The following ATG10 variants were observed in gnomAD, a reference collection of about 807,000 sequenced individuals.
The protein encoded by ATG10 is autophagy related 10.
ATG10 carries 30 observed loss-of-function variants against 32.1 expected under a neutral mutation model. The ratio of observed to expected loss-of-function variants is 0.94; its 90% CI spans 0.70 to 1.27. The LOEUF is 1.27. Among genes scored for constraint, ATG10 ranks in the 50% most tolerant of loss-of-function variants. The probability of loss-of-function intolerance (pLI) is 0.00; values close to 1 mark genes in which losing one functional copy is unlikely to be tolerated. For missense variants in ATG10, 233 were observed against 262.3 expected (o/e 0.89, Z 0.77); for synonymous variants, 87 against 91.5 (o/e 0.95, Z 0.28).
At chr5:82,060,222 T>C (rs905869254) in intron 3 of ATG10, among the ~76,000 whole-genome samples, 1 of 152,210 alleles carries the variant, frequency 6.6e-6, no homozygotes, top group African/African-American at 2.4e-5. Context: ...TTGAAACATA[T>C]GGAAAAATTG....
chr5:82,003,372 GACTCCAGGTCTGAGGGAAGAAGTGTACAA>G (rs1761902881), intron 2 of ATG10, among the ~76,000 whole-genome samples: 4 of 152,160 alleles, frequency 2.6e-5, no homozygotes, highest in African/African-American at 7.2e-5. Context: ...AGGAATGGCT[GACTCCAGGTCTGAGGGAAGAAGTGTACAA>G]ACTCCAGGTC....
intron 3 of ATG10, among the ~76,000 whole-genome samples, chr5:82,081,676 G>T (rs1764486736): frequency 1.3e-5 from 2 of 152,208 alleles, no homozygotes; most frequent in Non-Finnish European, 2.9e-5. Flanking sequence ...ATTTGCGTAT[G>T]TTGAACCAGC....
At chr5:82,158,360 C>T (rs1441835526) in intron 3 of ATG10, among the ~76,000 whole-genome samples, 1 of 151,224 alleles carries the variant, frequency 6.6e-6, no homozygotes, top group Non-Finnish European at 1.5e-5. Context: ...CCCCCCGCCC[C>T]CCATCTCTGT....
chr5:82,179,417 G>C (rs1480831603), intron 5 of ATG10, among the ~76,000 whole-genome samples: 1 of 152,116 alleles, frequency 6.6e-6, no homozygotes, highest in African/African-American at 2.4e-5. Context: ...TTTGGCTTAT[G>C]TAATCTATAC....
intron 2 of ATG10, among the ~76,000 whole-genome samples, chr5:82,030,902 A>G (rs912912940): frequency 2.8e-4 from 42 of 152,034 alleles, no homozygotes; most frequent in African/African-American, 1.0e-3. Flanking sequence ...TTAGGTTTTT[A>G]TTTTTATTCA....
At chr5:82,201,474 A>G (rs1425115637) in intron 5 of ATG10, among the ~76,000 whole-genome samples, 2 of 152,086 alleles carry the variant, frequency 1.3e-5, no homozygotes, top group South Asian at 2.1e-4. Context: ...GAGTGGGTCT[A>G]TTTCTGGACT....
At chr5:82,057,151 C>T (rs560506688) in intron 2 of ATG10, among the ~76,000 whole-genome samples, 5 of 152,154 alleles carry the variant, frequency 3.3e-5, no homozygotes, top group African/African-American at 1.2e-4. Flanking sequence ...TCTAACCAAT[C>T]AACAACTAAC....
chr5:82,041,789 A>G (rs955314896), intron 2 of ATG10, among the ~76,000 whole-genome samples: 1 of 151,548 alleles, frequency 6.6e-6, no homozygotes, highest in Non-Finnish European at 1.5e-5. Context: ...ACTATGCTCT[A>G]TTGATTTTTT....
intron 1 of ATG10, among the ~76,000 whole-genome samples, chr5:81,986,648 G>A (rs552798244): frequency 6.6e-6 from 1 of 151,910 alleles, no homozygotes; most frequent in East Asian, 1.9e-4. Flanking sequence ...AGCCAAACAG[G>A]GGTTTAAAAT....
intron 2 of ATG10, among the ~76,000 whole-genome samples, chr5:82,030,986 T>C (rs376727590): frequency 3.5e-4 from 54 of 152,152 alleles, no homozygotes; most frequent in African/African-American, 1.1e-3. Context: ...TCACAATCAT[T>C]ATTATTATTA....
At chr5:82,136,281 G>A (rs1222054626) in intron 3 of ATG10, among the ~76,000 whole-genome samples, 1 of 152,138 alleles carries the variant, frequency 6.6e-6, no homozygotes, top group Non-Finnish European at 1.5e-5. Context: ...ATGCTAGCTG[G>A]TTATTTTGCT....
At chr5:82,180,168 T>C (rs1454160347) in intron 5 of ATG10, among the ~76,000 whole-genome samples, 1 of 152,128 alleles carries the variant, frequency 6.6e-6, no homozygotes, top group Non-Finnish European at 1.5e-5. Flanking sequence ...GCATCAGAGG[T>C]TGCCACTCCC....
intron 3 of ATG10, among the ~76,000 whole-genome samples, chr5:82,148,998 GTTCC>G (rs1173610287): frequency 6.6e-6 from 1 of 151,790 alleles, no homozygotes; most frequent in African/African-American, 2.4e-5. Context: ...TACTTTAGTT[GTTCC>G]AGATATTCTT....
At chr5:81,977,726 T>C (rs1306102226) in intron 1 of ATG10, among the ~76,000 whole-genome samples, 1 of 152,228 alleles carries the variant, frequency 6.6e-6, no homozygotes, top group Non-Finnish European at 1.5e-5. Context: ...AAGAATTGAA[T>C]TCATGTGTTC....
intron 2 of ATG10, among the ~76,000 whole-genome samples, chr5:82,012,839 T>C (rs556731234): frequency 6.6e-6 from 1 of 152,082 alleles, no homozygotes; most frequent in South Asian, 2.1e-4. Flanking sequence ...TATTCTTTAA[T>C]TAGAGACAGG....
Position 82,187,151 on chromosome 5 carries a change from A to G in ATG10, c.453+8564A>G, listed in dbSNP as rs903571219. Among the ~76,000 whole-genome samples, 30 of 151,934 alleles carry G rather than the reference A, an allele frequency of 2.0e-4. No individual in the cohort carries two copies. The South Asian group carries it at 2.1e-3, about 11-fold the overall frequency. On this transcript the variant is annotated intron_variant, in intron 5 of 7. Coordinates refer to ENST00000282185, the MANE Select transcript of ATG10 (RefSeq NM_031482.5). ...AACAAGACCCCATCTCTTAAAAAAA[A>G]ATGGTTATTTGGGTGTAACTGATTT...
intron 2 of ATG10, among the ~76,000 whole-genome samples, chr5:82,057,705 T>TA (rs542565823): frequency 6.6e-6 from 1 of 152,076 alleles, no homozygotes; most frequent in Non-Finnish European, 1.5e-5. Flanking sequence ...AGTGTTACCT[T>TA]AAAAAAATGG....
At chr5:82,152,050 C>CA (rs1315966962) in intron 3 of ATG10, among the ~76,000 whole-genome samples, 2 of 152,132 alleles carry the variant, frequency 1.3e-5, no homozygotes, top group African/African-American at 4.8e-5. Flanking sequence ...CAAAGAAGAA[C>CA]AAAAAATTAC....
chr5:82,015,119 G>A (rs1043191377), intron 2 of ATG10, among the ~76,000 whole-genome samples: 1 of 151,708 alleles, frequency 6.6e-6, no homozygotes, highest in African/African-American at 2.4e-5. Context: ...ATTCTGGGTT[G>A]GAAATTCTCT....
Sources: gnomAD v4.1 joint callset for allele counts (sites outside exome capture counted in the v4.1 genomes callset) on GRCh38, gnomAD v4.1.1 for gene constraint, MANE v1.5 for transcripts, NCBI Gene and HGNC (gene_info 2026-07-23, HGNC 2026-07-21) for gene names.